Variants in TARS1 observed in about 807,000 individuals in gnomAD.
TARS1 encodes the protein threonine--tRNA ligase 1, cytoplasmic.
Under a neutral mutation model 97.7 loss-of-function variants are expected in TARS1, and 57 were observed. That is an observed-to-expected ratio of 0.58 (90% CI 0.47 to 0.73). TARS1 has a LOEUF of 0.73. Ranked by LOEUF, TARS1 falls within the 30% of genes least tolerant of loss-of-function variation. The pLI is 0.00. For missense variants in TARS1, 806 were observed against 888.3 expected (o/e 0.91, Z 1.18); for synonymous variants, 312 against 293.7 (o/e 1.06, Z -0.64).
chr5:33,448,817 A>C (rs1741559561), intron 3 of TARS1, 86 bp downstream of exon 3: 1 of 1,118,154 alleles, frequency 8.9e-7, no homozygotes, highest in Admixed American at 2.8e-5. Context: ...TATTCTTATA[A>C]TATTTTTATG....
At chr5:33,441,184 C>T (rs762644170) in intron 1 of TARS1, 41 bp downstream of exon 1, 9 of 1,611,526 alleles carry the variant, frequency 5.6e-6, no homozygotes, top group Non-Finnish European at 6.8e-6. Context: ...GCCTGGGACT[C>T]TAGTGGGTGC....
At chr5:33,465,811 G>A (rs1427717483) in intron 17 of TARS1, among the ~76,000 whole-genome samples, 1 of 152,198 alleles carries the variant, frequency 6.6e-6, no homozygotes, top group Admixed American at 6.5e-5. Flanking sequence ...TGAATGTGTT[G>A]TAGATCATTT....
At chr5:33,460,336 A>G (rs578147987) in intron 11 of TARS1, among the ~76,000 whole-genome samples, 16 of 152,356 alleles carry the variant, frequency 1.1e-4, no homozygotes, top group Non-Finnish European at 1.8e-4. Flanking sequence ...AAGGCAGACT[A>G]TAAAACAGGA....
At chr5:33,450,261 A>G (rs879275371) in intron 3 of TARS1, among the ~76,000 whole-genome samples, 4 of 152,216 alleles carry the variant, frequency 2.6e-5, no homozygotes, top group Non-Finnish European at 5.9e-5. Flanking sequence ...TGGAATCACC[A>G]TATGAATTGT....
chr5:33,456,310 AT>A, intron 8 of TARS1, 83 bp downstream of exon 8: 1 of 1,117,092 alleles, frequency 9.0e-7, no homozygotes, highest in Non-Finnish European at 1.3e-6. Flanking sequence ...TCTCTTTACC[AT>A]TTTCTGTTGC....
chr5:33,445,246 T>C, intron 1 of TARS1, 78 bp from the exon 2 acceptor site: 1 of 1,076,502 alleles, frequency 9.3e-7, no homozygotes, highest in South Asian at 1.5e-5. Flanking sequence ...TAAAATAACA[T>C]TCTCAACACT....
rs772283491 is a variant in TARS1, at chr5:33,466,865, C to T, written c.1909-6C>T. On this transcript the variant is annotated splice_region_variant and splice_polypyrimidine_tract_variant and intron_variant, in intron 17 of 18. Transcript: ENST00000265112. ...TCTGACAAATTCTGTATCTCTGTTA[C>T]AATAGGTACGACAACAATTCCACGA... 3.8e-6 allele frequency: 6 copies of T among 1,582,090 alleles called. No individual in the cohort carries two copies. Among genetic ancestry groups the T allele is most frequent in the African/African-American group, 2.7e-5 (2 of 73,454 alleles).
intron 1 of TARS1, among the ~76,000 whole-genome samples, chr5:33,444,955 GTTT>G (rs200841623): frequency 6.9e-6 from 1 of 145,358 alleles, no homozygotes; most frequent in East Asian, 2.0e-4. Context: ...TTTGCATTCA[GTTT>G]TTTTTTTTTT....
At chr5:33,454,624 G>A (rs998510794) in intron 4 of TARS1, among the ~76,000 whole-genome samples, 1 of 152,218 alleles carries the variant, frequency 6.6e-6, no homozygotes, top group Non-Finnish European at 1.5e-5. Context: ...TGCAATCAAT[G>A]AGTTAGTCAC....
chr5:33,467,526 T>A, intron 18 of TARS1, 34 bp from the exon 19 acceptor site: 2 of 1,600,364 alleles, frequency 1.2e-6, no homozygotes, highest in Non-Finnish European at 1.7e-6. Flanking sequence ...TATCTTTAGA[T>A]TAAGTCTGAC....
intron 1 of TARS1, among the ~76,000 whole-genome samples, chr5:33,442,129 G>A (rs1397305658): frequency 2.0e-5 from 3 of 152,098 alleles, no homozygotes; most frequent in South Asian, 4.1e-4. Context: ...TCAGCTAAGG[G>A]ATCCTCTATC....
chr5:33,452,094 A>G (rs572674969), intron 3 of TARS1, among the ~76,000 whole-genome samples: 2 of 152,338 alleles, frequency 1.3e-5, no homozygotes, highest in Admixed American at 1.3e-4. Context: ...ATCCTCAGAT[A>G]GGAGTTGTAT....
intron 3 of TARS1, among the ~76,000 whole-genome samples, chr5:33,449,321 A>G (rs1457119412): frequency 7.2e-6 from 1 of 139,514 alleles, no homozygotes; most frequent in Non-Finnish European, 1.6e-5. Flanking sequence ...ATATGTGTAT[A>G]TATATACGCG....
chr5:33,459,655 A>T, intron 10 of TARS1, 40 bp from the exon 11 acceptor site: 1 of 1,608,168 alleles, frequency 6.2e-7, no homozygotes, highest in South Asian at 1.1e-5. Context: ...AAGTATGAGC[A>T]TTTATTTGCC....
chr5:33,448,854 T>C, intron 3 of TARS1, 123 bp downstream of exon 3: 1 of 780,438 alleles, frequency 1.3e-6, no homozygotes, highest in South Asian at 3.9e-5. Flanking sequence ...TTAATCTGTT[T>C]AATTTTGCCT....
chr5:33,452,424 C>T, intron 3 of TARS1: 4 of 1,535,264 alleles, frequency 2.6e-6, no homozygotes, highest in Non-Finnish European at 3.5e-6. Context: ...ATGCCATGGC[C>T]TCCTCTTTTC....
At chr5:33,457,038 A>C (rs11952399) in intron 8 of TARS1, among the ~76,000 whole-genome samples, 3 of 151,862 alleles carry the variant, frequency 2.0e-5, no homozygotes, top group African/African-American at 7.3e-5. Context: ...GGCTCAAGCA[A>C]TCCTCTTGCC....
At chr5:33,443,351 C>G (rs928185424) in intron 1 of TARS1, among the ~76,000 whole-genome samples, 1 of 147,582 alleles carries the variant, frequency 6.8e-6, no homozygotes, top group Non-Finnish European at 1.5e-5. Context: ...CTCTCTCTCT[C>G]TCTCTCTCTC....
intron 3 of TARS1, chr5:33,452,212 G>A (rs907387963): frequency 7.0e-6 from 5 of 710,210 alleles, no homozygotes; most frequent in South Asian, 3.4e-5. Flanking sequence ...TGTAAAGGGT[G>A]TATACTTTTT....
Sources: allele counts gnomAD v4.1 joint callset (sites outside exome capture counted in the v4.1 genomes callset), GRCh38; gene constraint gnomAD v4.1.1; transcripts MANE v1.5; gene names NCBI Gene and HGNC (gene_info 2026-07-23, HGNC 2026-07-21).